The following ADPRHL1 variants were observed in gnomAD, a reference collection of about 807,000 sequenced individuals.
ADPRHL1 encodes inactive ADP-ribosyltransferase ARH2.
In ADPRHL1, 43 loss-of-function variants were observed where a neutral mutation model predicts 44.1. The observed-to-expected ratio is 0.98, with a 90% CI of 0.76 to 1.26. The LOEUF is 1.26. Ranked by LOEUF, ADPRHL1 falls within the 50% of genes most tolerant of loss-of-function variation. ADPRHL1 has a pLI of 0.00. For missense variants in ADPRHL1, 2,022 were observed against 2,496.9 expected (o/e 0.81, Z 4.05); for synonymous variants, 878 against 1,017.4 (o/e 0.86, Z 2.61).
rs368616296 is a variant in ADPRHL1, at chr13:113,406,379, G to A, written c.2903C>T (p.Pro968Leu). The change falls in exon 8 of 8, where the codon CCC (proline) becomes CTC (leucine). Residue 968 changes from proline to leucine, a missense_variant. Physicochemically the swap from Pro to Leu is moderately conservative, Grantham distance 98. Transcript: ENST00000612156. ...NKGSFENSHG[P>L]RNPDDISGER... is the part of the protein sequence containing the mutation. ...TCCTGAAATATCGTCAGGATTCCTGGGACCGTGTGAATTCTCAAAGCTGCC... is the reference window on the plus strand; with the variant it reads ...TCCTGAAATATCGTCAGGATTCCTGAGACCGTGTGAATTCTCAAAGCTGCC... 1.4e-4 allele frequency: 171 copies of A among 1,232,086 alleles called. 2 individuals carry two copies. The African/African-American group carries it at 2.4e-3, about 17-fold the overall frequency. The allele number at this position is 1,232,086 out of a possible 1,614,324, so 76.3% of individuals were successfully genotyped here. A position where few individuals can be genotyped will look rare whatever the true frequency, so the allele number is the denominator to read the frequency against.
chr13:113,419,002 TCCTCCCTC>T (rs1446944945), intron 7 of ADPRHL1, among the ~76,000 whole-genome samples: 1 of 34,134 alleles, frequency 2.9e-5, no homozygotes, highest in South Asian at 1.8e-3. Flanking sequence ...CTCCCTCCCT[TCCTCCCTC>T]CCTTCCTTCC....
chr13:113,436,186 G>A (rs1174027949), intron 2 of ADPRHL1, among the ~76,000 whole-genome samples: 58 of 151,180 alleles, frequency 3.8e-4, no homozygotes, highest in African/African-American at 1.4e-3. Context: ...TGTACCCCGG[G>A]ACCCAGCATC....
At chr13:113,410,811 C>G (rs1294929651) in intron 7 of ADPRHL1, among the ~76,000 whole-genome samples, 2 of 152,214 alleles carry the variant, frequency 1.3e-5, no homozygotes, top group Non-Finnish European at 2.9e-5. Context: ...GGGCATTGTG[C>G]TCCCTCTGAA....
In ADPRHL1 at chr13:113,404,871, C is replaced by T; in HGVS notation, c.4411G>A (p.Val1471Met). The T allele has an allele frequency of 1.6e-6, 2 of 1,246,786 alleles. No individual in the cohort carries two copies. The highest frequency in any genetic ancestry group is 2.0e-6 in the Non-Finnish European group (2 of 997,860). The allele number at this position is 1,246,786 out of a possible 1,614,324, so 77.2% of individuals were successfully genotyped here. A position where few individuals can be genotyped will look rare whatever the true frequency, so the allele number is the denominator to read the frequency against. ...EGTRAARNPA[V>M]PPGEPEGPGS... ...GGCCCCTCGGGCTCCCCTGGAGGCA[C>T]AGCTGGGTTCCTGGCAGCCCTGGTG... The change falls in exon 8 of 8, where the codon GTG (valine) becomes ATG (methionine). Residue 1471 changes from valine (V) to methionine (M), a missense_variant. Coordinates refer to ENST00000612156, the MANE Select transcript of ADPRHL1 (RefSeq NM_001394807.1).
In ADPRHL1 at chr13:113,404,517, G is replaced by A; in HGVS notation, c.4765C>T (p.Gln1589Ter). The change falls in exon 8 of 8, where the codon CAG becomes TAG. Residue 1589 changes from glutamine (Q) to a stop codon, truncating the protein, a stop_gained. Coordinates refer to ENST00000612156, the MANE Select transcript of ADPRHL1 (RefSeq NM_001394807.1). LOFTEE classifies it low-confidence loss of function (END_TRUNC). ...QVQGQAQKWA[Q>*]GQIQGQAQKQ... is the part of the protein sequence containing the mutation. ...TGGGCCTGTCCCTGAATCTGCCCCT[G>A]AGCCCATTTCTGGGCCTGTCCCTGA... 1 of 1,310,466 alleles carries A rather than the reference G, an allele frequency of 7.6e-7. No homozygotes were observed. Among genetic ancestry groups the A allele is most frequent in the Non-Finnish European group, 9.6e-7 (1 of 1,036,758 alleles). 81.2% of individuals were successfully genotyped at this position (1,310,466 alleles called of 1,614,324 possible).
intron 7 of ADPRHL1, among the ~76,000 whole-genome samples, chr13:113,410,457 A>G (rs1399972266): frequency 2.6e-5 from 4 of 152,158 alleles, no homozygotes; most frequent in African/African-American, 9.7e-5. Flanking sequence ...CTCCTTCCAA[A>G]CCTGCCAAGG....
intron 6 of ADPRHL1, among the ~76,000 whole-genome samples, chr13:113,423,935 C>T (rs9549786): frequency 0.45 from 68,879 of 152,128 alleles, 15,917 homozygotes; most frequent in Middle Eastern, 0.61. Flanking sequence ...CCTCCAGGCT[C>T]GTGGACCAGG....
At chr13:113,416,543 A>G (rs1463882619) in intron 7 of ADPRHL1, among the ~76,000 whole-genome samples, 6 of 152,122 alleles carry the variant, frequency 3.9e-5, no homozygotes, top group African/African-American at 1.4e-4. Flanking sequence ...GCCTAATTAC[A>G]GCAACTGCCT....
intron 2 of ADPRHL1, among the ~76,000 whole-genome samples, chr13:113,437,591 T>A (rs562005599): frequency 6.6e-6 from 1 of 152,364 alleles, no homozygotes; most frequent in African/African-American, 2.4e-5. Flanking sequence ...CTTTTGTCAC[T>A]CCTTATAACT....
chr13:113,450,455 G>A (rs965109012), intron 1 of ADPRHL1, among the ~76,000 whole-genome samples: 2 of 152,162 alleles, frequency 1.3e-5, no homozygotes, highest in Admixed American at 6.5e-5. Context: ...CAAGAGATAA[G>A]AGAAAAGGCA....
chr13:113,446,853 G>A (rs2044142361), intron 1 of ADPRHL1, among the ~76,000 whole-genome samples: 1 of 152,022 alleles, frequency 6.6e-6, no homozygotes, highest in South Asian at 2.1e-4. Context: ...TGTGTGCATG[G>A]TGTCTACATG....
rs928316344 is a variant in ADPRHL1, at chr13:113,433,850, C to A, written c.397G>T (p.Ala133Ser). Residue 133 changes from alanine to serine, a missense_variant, in exon 3 of 8, where the codon GCC (alanine) becomes TCC (serine). By Grantham distance (99) the Ala-to-Ser change is moderately conservative. Coordinates refer to ENST00000612156, the MANE Select transcript of ADPRHL1 (RefSeq NM_001394807.1). ...FNEKGSGFGA[A>S]TKAMCIGLRY... ...AGGCCGATGCACATGGCCTTGGTGG[C>A]CGCTCCAAACCCTGAGCCTGTGTGG... 7 of 1,561,332 alleles carry A rather than the reference C, an allele frequency of 4.5e-6. No homozygotes were observed. Among genetic ancestry groups the A allele is most frequent in the Non-Finnish European group, 6.1e-6 (7 of 1,152,510 alleles).
At chr13:113,410,357 G>A (rs2043843130) in intron 7 of ADPRHL1, among the ~76,000 whole-genome samples, 1 of 152,212 alleles carries the variant, frequency 6.6e-6, no homozygotes, top group Admixed American at 6.5e-5. Context: ...GTCTGGGGAG[G>A]GGCCTGGGAA....
rs758114074 is a variant in ADPRHL1 at position 113,429,022 on chromosome 13, C to T, written c.576G>A (p.Trp192Ter). Reference sequence around the variant, plus strand: ...GCACCGCCCGCAGCATGTCTCTCCCCCACTGGACCAGGGGCTTTCCTTGTG... The same window carrying T: ...GCACCGCCCGCAGCATGTCTCTCCCTCACTGGACCAGGGGCTTTCCTTGTG... ...FAAQGKPLVQ[W>*]GRDMLRAVPL... The change falls in exon 4 of 8, where the codon TGG becomes TGA. Residue 192 changes from tryptophan (W) to a stop codon, truncating the protein, a stop_gained. Transcript: ENST00000612156. LOFTEE classifies it high-confidence loss of function. 5 of 1,612,780 alleles carry T rather than the reference C, an allele frequency of 3.1e-6. No individual in the cohort carries two copies. The highest frequency in any genetic ancestry group is 1.3e-5 in the African/African-American group (1 of 74,926).
At chr13:113,434,673 G>T in intron 2 of ADPRHL1, among the ~76,000 whole-genome samples, 1 of 143,636 alleles carries the variant, frequency 7.0e-6, no homozygotes, top group Non-Finnish European at 1.5e-5. Flanking sequence ...GTGTACCCCG[G>T]GACCCGGCAC....
chr13:113,429,638 G>A (rs2043993309), intron 3 of ADPRHL1, among the ~76,000 whole-genome samples: 2 of 152,246 alleles, frequency 1.3e-5, no homozygotes, highest in African/African-American at 4.8e-5. Flanking sequence ...ATCCGTGGCC[G>A]GGGATTATCA....
chr13:113,404,434 G>T lies in ADPRHL1; in HGVS notation c.4848C>A (p.Ala1616=). The change falls in exon 8 of 8, where the codon GCC becomes GCA. Residue 1616 remains alanine, a synonymous_variant. Coordinates refer to ENST00000612156, the MANE Select transcript of ADPRHL1 (RefSeq NM_001394807.1). The stretch of plus-strand genomic sequence containing the variant: ...GGGCCTTTATCTGGGTCTGCCACTG[G>T]GCCTGTCCCTGAGCCTCTTCCTGGG... ...KWAQEEAQGQ[A]QWQTQIKAQK... 1 of 1,320,572 alleles carries T rather than the reference G, an allele frequency of 7.6e-7. No homozygotes were observed. The allele number at this position is 1,320,572 out of a possible 1,614,324, so 81.8% of individuals were successfully genotyped here. A position where few individuals can be genotyped will look rare whatever the true frequency, so the allele number is the denominator to read the frequency against.
At chr13:113,412,738 TGCCCCGCGG>T (rs1566467589) in intron 7 of ADPRHL1, among the ~76,000 whole-genome samples, 1 of 106,686 alleles carries the variant, frequency 9.4e-6, no homozygotes, top group Non-Finnish European at 2.0e-5. Flanking sequence ...CCGCCAACAG[TGCCCCGCGG>T]AGCTCGGTTC....
intron 7 of ADPRHL1, among the ~76,000 whole-genome samples, chr13:113,417,634 C>A (rs1161862086): frequency 1.3e-5 from 2 of 152,218 alleles, no homozygotes; most frequent in Non-Finnish European, 2.9e-5. Flanking sequence ...GCACACGAAT[C>A]CCGAGACGGT....
Sources: allele counts gnomAD v4.1 joint callset (sites outside exome capture counted in the v4.1 genomes callset), GRCh38; gene constraint gnomAD v4.1.1; transcripts MANE v1.5; gene names NCBI Gene and HGNC (gene_info 2026-07-23, HGNC 2026-07-21).